Variants in MSI2 observed in about 807,000 individuals in gnomAD.
MSI2 encodes the protein musashi RNA binding protein 2.
MSI2 carries 17 observed loss-of-function variants against 45.6 expected under a neutral mutation model. That is an observed-to-expected ratio of 0.37 (90% CI 0.26 to 0.56). The LOEUF (loss-of-function observed/expected upper bound fraction) is 0.56, where lower values mean the gene tolerates loss of function less well. MSI2 is among the 20% of genes least tolerant of loss of function. The pLI is 0.77. For missense variants in MSI2, 293 were observed against 444.2 expected, an observed-to-expected ratio of 0.66 and a Z score of 3.06; for synonymous variants, 156 against 158.2, an observed-to-expected ratio of 0.99 and a Z score of 0.11.
At chr17:57,430,232 A>G (rs1038801746) in intron 6 of MSI2, among the ~76,000 whole-genome samples, 3 of 152,160 alleles carry the variant, frequency 2.0e-5, no homozygotes, top group African/African-American at 7.2e-5. Flanking sequence ...TGCTCTTTTG[A>G]TGGTAAACAC....
intron 6 of MSI2, among the ~76,000 whole-genome samples, chr17:57,487,654 T>G (rs775084658): frequency 1.3e-5 from 2 of 151,900 alleles, no homozygotes; most frequent in Non-Finnish European, 2.9e-5. Flanking sequence ...GCTGATGAGG[T>G]CCTCCCAGGT....
At chr17:57,553,664 G>C (rs1212626471) in intron 7 of MSI2, among the ~76,000 whole-genome samples, 1 of 152,200 alleles carries the variant, frequency 6.6e-6, no homozygotes, top group African/African-American at 2.4e-5. Context: ...ATCGCGGAGG[G>C]GCAGAGAGGA....
At chr17:57,473,902 T>C (rs2143703669) in intron 6 of MSI2, among the ~76,000 whole-genome samples, 2 of 152,336 alleles carry the variant, frequency 1.3e-5, no homozygotes, top group South Asian at 4.1e-4. Flanking sequence ...CCCAGCAGAC[T>C]GAATATGAAT....
At chr17:57,607,456 A>C (rs561824745) in intron 8 of MSI2, among the ~76,000 whole-genome samples, 28 of 152,362 alleles carry the variant, frequency 1.8e-4, no homozygotes, top group African/African-American at 6.7e-4. Flanking sequence ...TCCCACATCC[A>C]TGAGGACCTT....
At chr17:57,316,497 T>A (rs1037313845) in intron 5 of MSI2, among the ~76,000 whole-genome samples, 5 of 152,076 alleles carry the variant, frequency 3.3e-5, no homozygotes, top group African/African-American at 9.7e-5. Context: ...GCTAATTTTT[T>A]AATATTTTTG....
At chr17:57,581,228 G>A (rs1192423034) in intron 7 of MSI2, among the ~76,000 whole-genome samples, 4 of 151,992 alleles carry the variant, frequency 2.6e-5, no homozygotes, top group Non-Finnish European at 5.9e-5. Context: ...GGCCAGGCTG[G>A]TCTTGAACTC....
At chr17:57,451,128 T>C (rs559633147) in intron 6 of MSI2, among the ~76,000 whole-genome samples, 32 of 152,056 alleles carry the variant, frequency 2.1e-4, no homozygotes, top group African/African-American at 7.2e-4. Flanking sequence ...GTGTTGGGGG[T>C]TGAGTACCAG....
At position 57,256,949 on chromosome 17, in the gene MSI2, T is replaced by C. The variant is rs963318112; in HGVS notation, c.62+145T>C. The C allele has an allele frequency of 7.6e-6, 8 of 1,057,614 alleles. No individual in the cohort carries two copies. The African/African-American group carries it at 1.4e-4, about 18-fold the overall frequency. 65.5% of individuals were successfully genotyped at this position (1,057,614 alleles called of 1,614,324 possible). On this transcript the variant is annotated intron_variant, in intron 1 of 13. Transcript: ENST00000284073. ...CCCGTGGAAGTTACACACCTTTGGA[T>C]TGCATTTCGCCGTCACCTTCTCCCC...
chr17:57,654,871 G>A (rs531200655), intron 11 of MSI2, among the ~76,000 whole-genome samples: 2 of 151,700 alleles, frequency 1.3e-5, no homozygotes, highest in Non-Finnish European at 2.9e-5. Context: ...TCCTATGGAC[G>A]GCCCTTTTTT....
intron 6 of MSI2, among the ~76,000 whole-genome samples, chr17:57,419,847 G>A (rs979015534): frequency 1.3e-5 from 2 of 152,186 alleles, no homozygotes; most frequent in Non-Finnish European, 2.9e-5. Context: ...CGGTCAGGAC[G>A]CCGTGGACCC....
chr17:57,529,589 A>C lies in MSI2; in HGVS notation c.406-87A>C, dbSNP rs542728431. 1.5e-4 allele frequency: 174 copies of C among 1,179,196 alleles called. No individual in the cohort carries two copies. In the African/African-American group the frequency reaches 2.3e-3, roughly 16 times the overall value. 73.0% of individuals were successfully genotyped at this position (1,179,196 alleles called of 1,614,324 possible). On this transcript the variant is annotated intron_variant, in intron 6 of 13. Coordinates refer to ENST00000284073, the MANE Select transcript of MSI2 (RefSeq NM_138962.4). This position sits in a 1 kb window ranked among gnomAD's most constrained non-coding sequence, Gnocchi z 5.3. ...AACTATTACTTCTGTAATGGAAACT[A>C]CCCCCTCACCCCCCGACATGCATAT...
chr17:57,579,692 A>C (rs927209940), intron 7 of MSI2, among the ~76,000 whole-genome samples: 6 of 152,222 alleles, frequency 3.9e-5, no homozygotes, highest in African/African-American at 1.4e-4. Context: ...TTATTAAGTC[A>C]TGACAGCAAG....
At chr17:57,291,229 A>G (rs1910391703) in intron 5 of MSI2, among the ~76,000 whole-genome samples, 1 of 152,208 alleles carries the variant, frequency 6.6e-6, no homozygotes, top group African/African-American at 2.4e-5. Context: ...TTTTAGGAAA[A>G]TAGCAAGGAG....
intron 5 of MSI2, among the ~76,000 whole-genome samples, chr17:57,378,971 C>T (rs2083550364): frequency 6.6e-6 from 1 of 152,160 alleles, no homozygotes; most frequent in Admixed American, 6.6e-5. Context: ...ATATGTGAGC[C>T]ATCAGCCTGC....
intron 11 of MSI2, among the ~76,000 whole-genome samples, chr17:57,664,443 G>A (rs1436117042): frequency 6.6e-6 from 1 of 152,076 alleles, no homozygotes; most frequent in Non-Finnish European, 1.5e-5. Context: ...ACTTGAACCC[G>A]GGAGGCCCAG....
rs113576031 is a variant in MSI2 at position 57,482,836 on chromosome 17, T to C, written c.406-46840T>C. 4.0e-3 allele frequency among the ~76,000 whole-genome samples: 604 copies of C among 152,338 alleles called. 3 individuals are homozygous for C. The highest frequency in any genetic ancestry group is 0.014 in the African/African-American group (572 of 41,578). On this transcript the variant is annotated intron_variant, in intron 6 of 13. Transcript: ENST00000284073. ...TGCACTGGACTGTGGGGACATTTTG[T>C]GTGAGTGAGACTATTAAGAATTTAG... is the stretch of plus-strand genomic sequence containing the variant.
rs1365322361 is a variant in MSI2, at chr17:57,596,788, C to A, written c.455-80C>A. On this transcript the variant is annotated intron_variant, in intron 7 of 13. Transcript: ENST00000284073. The surrounding 1 kb of genome is among the most constrained non-coding windows in gnomAD (Gnocchi z 4.6). ...CCAGGAGGCTGTCAAGACCTCAGGA[C>A]GTCAGAGAAAAACCTGGGCCTGCCA... The A allele has an allele frequency of 1.0e-6, 1 of 956,370 alleles. No homozygotes were observed. The highest frequency in any genetic ancestry group is 1.7e-6 in the Non-Finnish European group (1 of 592,030). 59.2% of individuals were successfully genotyped at this position (956,370 alleles called of 1,614,324 possible).
At chr17:57,577,396 A>T (rs2144347354) in intron 7 of MSI2, among the ~76,000 whole-genome samples, 1 of 152,324 alleles carries the variant, frequency 6.6e-6, no homozygotes, top group Middle Eastern at 3.4e-3. Context: ...CTGCATTATG[A>T]AAGTCCAGCC....
chr17:57,699,014 G>GGA, the MSI2 span, among the ~76,000 whole-genome samples: 6 of 23,584 alleles, frequency 2.5e-4, no homozygotes, highest in South Asian at 1.0e-3. Flanking sequence ...GAAGAGGCGA[G>GGA]GAGAGAGAGA....
Sources: gnomAD v4.1 joint callset for allele counts (sites outside exome capture counted in the v4.1 genomes callset) on GRCh38, gnomAD v4.1.1 for gene constraint, Gnocchi (gnomAD v3.1) non-coding constraint, MANE v1.5 for transcripts, NCBI Gene and HGNC (gene_info 2026-07-23, HGNC 2026-07-21) for gene names.